Variants in HSPA14 observed in about 807,000 individuals in gnomAD.
The protein encoded by HSPA14 is heat shock protein family A (Hsp70) member 14, also known as heat shock 70 kDa protein 14.
A neutral mutation model predicts 65.5 loss-of-function variants in HSPA14; 37 were observed. The observed-to-expected ratio is 0.56, with a 90% confidence interval of 0.43 to 0.74. HSPA14 has a LOEUF of 0.74. Among genes scored for constraint, HSPA14 ranks in the 30% least tolerant of loss-of-function variants. The probability of loss-of-function intolerance (pLI) is 0.00; values close to 1 mark genes in which losing one functional copy is unlikely to be tolerated. For synonymous variants in HSPA14, 203 were observed against 214.2 expected (o/e 0.95, Z 0.46); for missense variants, 564 against 607.6 (o/e 0.93, Z 0.75).
Position 14,865,866 on chromosome 10 carries a change from C to CT in HSPA14, c.994-1215dup, listed in dbSNP as rs1203746503. Among the ~76,000 whole-genome samples the CT allele has an allele frequency of 2.6e-5, 4 of 152,128 alleles. No homozygotes were observed. In the East Asian group the frequency reaches 7.7e-4, roughly 29 times the overall value. ...ATTCTGTGAAGAAAGTCATTGGTAG[C>CT]TTGATGGGGATGGCATTGAATCTAT... On this transcript the variant is annotated intron_variant, in intron 10 of 13. Coordinates refer to ENST00000378372, the MANE Select transcript of HSPA14 (RefSeq NM_016299.4).
intron 3 of HSPA14, chr10:14,844,479 T>G: frequency 1.0e-6 from 1 of 984,216 alleles, no homozygotes; most frequent in Admixed American, 5.8e-5. Flanking sequence ...CCTGTGTGGC[T>G]CATTAGACGA....
chr10:14,850,861 G>C, intron 6 of HSPA14: 1 of 164,778 alleles, frequency 6.1e-6, no homozygotes, highest in Non-Finnish European at 1.3e-5. Flanking sequence ...GTTCTGGATA[G>C]CATGAAGACA....
chr10:14,869,625 G>A (rs888427479), intron 12 of HSPA14, among the ~76,000 whole-genome samples: 5 of 152,142 alleles, frequency 3.3e-5, no homozygotes, highest in African/African-American at 1.2e-4. Flanking sequence ...CAACAAAAGA[G>A]TAATGAAAAC....
rs773585592 is a variant in HSPA14, at chr10:14,854,213, T to A, written c.823T>A (p.Leu275Met). 2 of 1,613,840 alleles carry A rather than the reference T, an allele frequency of 1.2e-6. No individual in the cohort carries two copies. The highest frequency in any genetic ancestry group is 1.7e-6 in the Non-Finnish European group (2 of 1,179,882). The change falls in exon 9 of 14, where the codon TTG becomes ATG. Residue 275 changes from leucine to methionine, a missense_variant. Physicochemically the swap from Leu to Met is conservative, Grantham distance 15. Transcript: ENST00000378372. ...AGTAGCGAAACATTCTTTGTCAACC[T>A]TGGGAAGTGCCAACTGTTTTCTTGA... ...AEVAKHSLST[L>M]GSANCFLDSL...
rs569211037 is a variant in HSPA14 at position 14,849,744 on chromosome 10, T to G, written c.400T>G (p.Ser134Ala). 6.2e-7 allele frequency: 1 copy of G among 1,611,476 alleles called. No individual in the cohort carries two copies. Among genetic ancestry groups the G allele is most frequent in the African/African-American group, 1.3e-5 (1 of 74,890 alleles). ...AGAAACGGCACATTCTGTATTGGGC[T>G]CAGATGCAAATGATGTAGTTATTAC... ...MKETAHSVLG[S>A]DANDVVITVP... Residue 134 changes from serine to alanine, a missense_variant, in exon 6 of 14, where the codon TCA (serine) becomes GCA (alanine). Coordinates refer to ENST00000378372, the MANE Select transcript of HSPA14 (RefSeq NM_016299.4).
chr10:14,870,802 C>T (rs1272611955), intron 13 of HSPA14, 135 bp downstream of exon 13: 6 of 790,666 alleles, frequency 7.6e-6, no homozygotes, highest in African/African-American at 3.6e-5. Context: ...CAGTGAATTA[C>T]ATTTTTTGCC....
At chr10:14,871,503 G>C in intron 13 of HSPA14, 25 bp from the exon 14 acceptor site, 2 of 1,381,422 alleles carry the variant, frequency 1.4e-6, no homozygotes, top group Non-Finnish European at 1.0e-6. Context: ...CTTGTGCAAT[G>C]TTCTTTATTT....
chr10:14,859,601 T>C (rs1187253772), intron 10 of HSPA14, among the ~76,000 whole-genome samples: 1 of 152,242 alleles, frequency 6.6e-6, no homozygotes, highest in African/African-American at 2.4e-5. Flanking sequence ...GTAGCTGCAA[T>C]TTTAATAGCT....
intron 3 of HSPA14, chr10:14,844,870 TTTCTG>T: frequency 3.0e-6 from 3 of 985,426 alleles, no homozygotes; most frequent in Non-Finnish European, 3.6e-6. Context: ...ATTTCATTCT[TTTCTG>T]TTATTTTTTT....
rs1373484467 is a variant in HSPA14 at position 14,867,270 on chromosome 10, G to T, written c.1181G>T (p.Cys394Phe). 6.2e-7 allele frequency: 1 copy of T among 1,613,010 alleles called. No homozygotes were observed. Among genetic ancestry groups the T allele is most frequent in the East Asian group, 2.2e-5 (1 of 44,818 alleles). The part of the protein sequence containing the change: ...LLVEDSLMIE[C>F]SARDILVKGV... ...GTGGAAGACTCTCTTATGATAGAGTGTTCAGCCAGAGATATTTTAGTTAAG... is the reference window on the plus strand; with the variant it reads ...GTGGAAGACTCTCTTATGATAGAGTTTTCAGCCAGAGATATTTTAGTTAAG... The change falls in exon 11 of 14, where the codon TGT becomes TTT. Residue 394 changes from cysteine (C) to phenylalanine (F), a missense_variant. Physicochemically the swap from Cys to Phe is radical, Grantham distance 205. Coordinates refer to ENST00000378372, the MANE Select transcript of HSPA14 (RefSeq NM_016299.4).
At position 14,866,935 on chromosome 10, in the gene HSPA14, G is replaced by A; in HGVS notation, c.994-148G>A. On this transcript the variant is annotated intron_variant, in intron 10 of 13. Transcript: ENST00000378372. The stretch of plus-strand genomic sequence containing the variant: ...TAAATATATGTTTGTGTATTTATAG[G>A]TTAAGTATAACATAACATGTTAATA... 5.5e-6 allele frequency: 3 copies of A among 550,232 alleles called. No individual in the cohort carries two copies. In the South Asian group the frequency reaches 7.8e-5, roughly 14 times the overall value. 34.1% of individuals were successfully genotyped at this position (550,232 alleles called of 1,614,324 possible). A position where few individuals can be genotyped will look rare whatever the true frequency, so the allele number is the denominator to read the frequency against.
intron 3 of HSPA14, chr10:14,845,208 AAACT>A (rs1197373713): frequency 3.0e-6 from 3 of 985,280 alleles, no homozygotes; most frequent in Non-Finnish European, 3.6e-6. Flanking sequence ...CTCTGTCATT[AAACT>A]AACTTAAAGC....
In HSPA14 at chr10:14,867,291, T is replaced by A. The variant is rs1432023924; in HGVS notation, c.1202T>A (p.Val401Asp). 1 of 1,608,970 alleles carries A rather than the reference T, an allele frequency of 6.2e-7. No individual in the cohort carries two copies. The highest frequency in any genetic ancestry group is 8.5e-7 in the Non-Finnish European group (1 of 1,175,606). Residue 401 changes from valine to aspartate, a missense_variant, in exon 11 of 14, where the codon GTT (valine) becomes GAT (aspartate). Val to Asp is a radical substitution (Grantham distance 152). Coordinates refer to ENST00000378372, the MANE Select transcript of HSPA14 (RefSeq NM_016299.4). ...MIECSARDIL[V>D]KGVDESGASR... ...GAGTGTTCAGCCAGAGATATTTTAG[T>A]TAAGGTATGTTTAGCTTTTGTATAC...
intron 3 of HSPA14, chr10:14,844,049 T>C: frequency 7.0e-7 from 1 of 1,438,462 alleles, no homozygotes; most frequent in East Asian, 2.5e-5. Flanking sequence ...TAGTTCATTT[T>C]CCCAAGATTC....
Position 14,867,730 on chromosome 10 carries a change from A to G in HSPA14, c.1207-6A>G. The G allele has an allele frequency of 6.2e-7, 1 of 1,610,058 alleles. No individual in the cohort carries two copies. The highest frequency in any genetic ancestry group is 8.5e-7 in the Non-Finnish European group (1 of 1,178,718). On this transcript the variant is annotated splice_polypyrimidine_tract_variant and splice_region_variant and intron_variant, in intron 11 of 13. Coordinates refer to ENST00000378372, the MANE Select transcript of HSPA14 (RefSeq NM_016299.4). Reference sequence around the variant, plus strand: ...AAGAGTATGCACCTTGTTTCCTGCTAACTAGGGTGTGGACGAATCAGGAGC... The same window carrying G: ...AAGAGTATGCACCTTGTTTCCTGCTGACTAGGGTGTGGACGAATCAGGAGC...
At chr10:14,845,506 G>A (rs1834037953) in intron 3 of HSPA14, 1 of 985,330 alleles carries the variant, frequency 1.0e-6, no homozygotes, top group Non-Finnish European at 1.2e-6. Flanking sequence ...TGGTGTGGTA[G>A]AATATGTTGG....
Position 14,849,802 on chromosome 10 carries a change from A to G in HSPA14, c.458A>G (p.Asn153Ser), listed in dbSNP as rs538018528. 17 of 1,609,200 alleles carry G rather than the reference A, an allele frequency of 1.1e-5. No individual in the cohort carries two copies. In the East Asian group the frequency reaches 2.5e-4, roughly 23 times the overall value. The change falls in exon 6 of 14, where the codon AAT (asparagine) becomes AGT (serine). Residue 153 changes from asparagine (N) to serine (S), a missense_variant. Asn to Ser is a conservative substitution (Grantham distance 46, BLOSUM62 1). Coordinates refer to ENST00000378372, the MANE Select transcript of HSPA14 (RefSeq NM_016299.4). ...TTTGATTTTGGAGAAAAGCAAAAAA[A>G]TGCTCTTGGGTAAGTATATGGGGTT... ...VPFDFGEKQKNALGEAARAAG... is the reference protein window; with the variant it reads ...VPFDFGEKQKSALGEAARAAG...
chr10:14,847,142 G>A (rs969019232), intron 3 of HSPA14: 11 of 490,270 alleles, frequency 2.2e-5, no homozygotes, highest in South Asian at 8.8e-5. Context: ...AGAGGAGAGC[G>A]GCCCTCTTTA....
intron 12 of HSPA14, 43 bp from the exon 13 acceptor site, chr10:14,870,554 G>T (rs1364021487): frequency 6.4e-7 from 1 of 1,555,168 alleles, no homozygotes; most frequent in Non-Finnish European, 8.7e-7. Context: ...GTTCATTTAT[G>T]TAAAGATGCT....
Sources: allele counts gnomAD v4.1 joint callset (sites outside exome capture counted in the v4.1 genomes callset), GRCh38; gene constraint gnomAD v4.1.1; transcripts MANE v1.5; gene names NCBI Gene and HGNC (gene_info 2026-07-23, HGNC 2026-07-21).